The following RAD51C variants were observed in gnomAD, a reference collection of about 807,000 sequenced individuals.
RAD51C encodes the protein RAD51 paralog C.
Under a neutral mutation model 45.0 loss-of-function variants are expected in RAD51C, and 42 were observed. The ratio of observed to expected loss-of-function variants is 0.93; its 90% CI spans 0.73 to 1.21. RAD51C has a LOEUF of 1.21. Ranked by LOEUF, RAD51C falls within the 50% of genes most tolerant of loss-of-function variation. The pLI is 0.00. For missense variants in RAD51C, 474 were observed against 452.2 expected, an observed-to-expected ratio of 1.05 and a Z score of -0.44; for synonymous variants, 172 against 159.8, an observed-to-expected ratio of 1.08 and a Z score of -0.58.
chr17:58,720,663 G>C lies in RAD51C; in HGVS notation c.838-83G>C, dbSNP rs1452804063. ...AATTTTTGTATTTTTAGTAGAGATG[G>C]GGTTTCACAATCTTGGCCAGACTGG... is the stretch of plus-strand genomic sequence containing the variant. On this transcript the variant is annotated intron_variant, in intron 5 of 8. Coordinates refer to ENST00000337432, the MANE Select transcript of RAD51C (RefSeq NM_058216.3). 2.3e-5 allele frequency: 23 copies of C among 1,017,752 alleles called. No individual in the cohort carries two copies. In the South Asian group the frequency reaches 3.0e-4, roughly 13 times the overall value. The allele number at this position is 1,017,752 out of a possible 1,614,324, so 63.0% of individuals were successfully genotyped here.
At chr17:58,714,005 G>A (rs184940665) in intron 5 of RAD51C, among the ~76,000 whole-genome samples, 1 of 148,782 alleles carries the variant, frequency 6.7e-6, no homozygotes, top group African/African-American at 2.5e-5. Flanking sequence ...TTCTGTTTTA[G>A]ATAGAGTCTT....
chr17:58,732,475 T>C lies in RAD51C; in HGVS notation c.966-9T>C. The C allele has an allele frequency of 6.2e-7, 1 of 1,610,836 alleles. No individual in the cohort carries two copies. On this transcript the variant is annotated splice_polypyrimidine_tract_variant and intron_variant, in intron 7 of 8. Coordinates refer to ENST00000337432, the MANE Select transcript of RAD51C (RefSeq NM_058216.3). The stretch of plus-strand genomic sequence containing the variant: ...TGTTTGTATGTATTTATTCTTTTTC[T>C]TTAAGCAGGTTGGCAACATTGTACA...
At chr17:58,705,021 C>T (rs2048331354) in intron 4 of RAD51C, among the ~76,000 whole-genome samples, 1 of 151,650 alleles carries the variant, frequency 6.6e-6, no homozygotes, top group South Asian at 2.1e-4. Context: ...ATCCCAGCTA[C>T]TTGGGAGGCT....
intron 5 of RAD51C, among the ~76,000 whole-genome samples, chr17:58,711,923 G>T (rs2048569930): frequency 6.6e-6 from 1 of 151,920 alleles, no homozygotes; most frequent in African/African-American, 2.4e-5. Flanking sequence ...TTTAAGGCCA[G>T]ATGTGGTAAC....
At chr17:58,695,260 G>T in intron 2 of RAD51C, 71 bp downstream of exon 2, 1 of 1,522,744 alleles carries the variant, frequency 6.6e-7, no homozygotes. Flanking sequence ...TTGTACTATC[G>T]TCAGGAAACC....
At chr17:58,695,924 A>T (rs191582609) in intron 2 of RAD51C, among the ~76,000 whole-genome samples, 1 of 150,868 alleles carries the variant, frequency 6.6e-6, no homozygotes, top group Non-Finnish European at 1.5e-5. Flanking sequence ...AAAATTAGCC[A>T]GGCATGGTGG....
chr17:58,734,323 A>G lies in RAD51C; in HGVS notation c.*101A>G, dbSNP rs560599686. 4.3e-5 allele frequency: 66 copies of G among 1,538,366 alleles called. No individual in the cohort carries two copies. In the East Asian group the frequency reaches 7.1e-4, roughly 17 times the overall value. On this transcript the variant is annotated 3_prime_UTR_variant, in exon 9 of 9. Transcript: ENST00000337432. ...AAAGTATAAATAAACACACTATGGC[A>G]TGAATGAATCCAGATCATATGAAGT...
chr17:58,702,337 A>G (rs1312428655), intron 3 of RAD51C, among the ~76,000 whole-genome samples: 1 of 152,128 alleles, frequency 6.6e-6, no homozygotes, highest in Non-Finnish European at 1.5e-5. Flanking sequence ...CTAGTTGTAT[A>G]TGTTTATAAA....
chr17:58,731,564 G>A (rs1232900850), intron 7 of RAD51C, among the ~76,000 whole-genome samples: 2 of 152,102 alleles, frequency 1.3e-5, no homozygotes, highest in African/African-American at 4.8e-5. Context: ...CAGCCAAAAA[G>A]CAGTCTTAAA....
chr17:58,723,937 T>G, intron 6 of RAD51C, 103 bp from the exon 7 acceptor site: 1 of 1,068,322 alleles, frequency 9.4e-7, no homozygotes, highest in Non-Finnish European at 1.4e-6. Flanking sequence ...ACTTTCGTTA[T>G]GTTAAATTAA....
At chr17:58,719,179 G>A (rs1218292127) in intron 5 of RAD51C, among the ~76,000 whole-genome samples, 5 of 151,942 alleles carry the variant, frequency 3.3e-5, no homozygotes, top group South Asian at 2.1e-4. Flanking sequence ...AGCCGAGATC[G>A]CGCCATTGCA....
At position 58,692,905 on chromosome 17, in the gene RAD51C, T is replaced by C. The variant is rs45574736; in HGVS notation, c.145+117T>C. Reference sequence around the variant, plus strand: ...CCGTTAGATTCTGCTTCCTCCCACGTCCATGTTTACAGCGTGAAAGAGCTC... The same window carrying C: ...CCGTTAGATTCTGCTTCCTCCCACGCCCATGTTTACAGCGTGAAAGAGCTC... On this transcript the variant is annotated intron_variant, in intron 1 of 8. Coordinates refer to ENST00000337432, the MANE Select transcript of RAD51C (RefSeq NM_058216.3). 13,020 of 1,479,146 alleles carry C rather than the reference T, an allele frequency of 8.8e-3. 83 individuals are homozygous for C. Among genetic ancestry groups the C allele is most frequent in the Middle Eastern group, 0.015 (88 of 5,804 alleles). 91.6% of individuals were successfully genotyped at this position (1,479,146 alleles called of 1,614,324 possible).
At chr17:58,714,239 C>A (rs1304282657) in intron 5 of RAD51C, among the ~76,000 whole-genome samples, 1 of 152,110 alleles carries the variant, frequency 6.6e-6, no homozygotes, top group Non-Finnish European at 1.5e-5. Context: ...CCCTCCTCGG[C>A]CTCCCAAAGT....
rs1555593575 is a variant in RAD51C at position 58,695,022 on chromosome 17, T to C, written c.237T>C (p.Ser79=). 4 of 1,614,068 alleles carry C rather than the reference T, an allele frequency of 2.5e-6. No individual in the cohort carries two copies. Among genetic ancestry groups the C allele is most frequent in the Non-Finnish European group, 3.4e-6 (4 of 1,179,974 alleles). ...LTNKPRYAGT[S]ESHKKCTALE... is the part of the protein sequence containing the mutation. ...ATAAACCAAGATATGCTGGTACATC[T>C]GAGTCACACAAGAAGTGTACAGCAC... The change falls in exon 2 of 9, where the codon TCT becomes TCC. Residue 79 remains serine (S), a synonymous_variant. Transcript: ENST00000337432.
At chr17:58,710,977 T>C (rs1239591636) in intron 5 of RAD51C, among the ~76,000 whole-genome samples, 1 of 152,214 alleles carries the variant, frequency 6.6e-6, no homozygotes, top group Non-Finnish European at 1.5e-5. Flanking sequence ...ATACCTGTAA[T>C]ACATCATAAG....
intron 7 of RAD51C, among the ~76,000 whole-genome samples, chr17:58,729,228 T>G (rs1406031130): frequency 6.6e-6 from 1 of 152,218 alleles, no homozygotes; most frequent in Non-Finnish European, 1.5e-5. Context: ...TGTTTGGTTT[T>G]GTTTTTGAGA....
At chr17:58,724,515 G>A (rs568254948) in intron 7 of RAD51C, among the ~76,000 whole-genome samples, 2 of 151,158 alleles carry the variant, frequency 1.3e-5, no homozygotes, top group Non-Finnish European at 2.9e-5. Context: ...TGGAACATAC[G>A]ATGGTTTCTC....
chr17:58,724,479 G>A (rs535729169), intron 7 of RAD51C, among the ~76,000 whole-genome samples: 1 of 151,134 alleles, frequency 6.6e-6, no homozygotes, highest in Non-Finnish European at 1.5e-5. Flanking sequence ...GAAAATTGTT[G>A]AGGTTACCTT....
chr17:58,701,043 G>A (rs1043545329), intron 3 of RAD51C, among the ~76,000 whole-genome samples: 5 of 152,114 alleles, frequency 3.3e-5, no homozygotes, highest in Non-Finnish European at 7.3e-5. Flanking sequence ...GGCTACAGGT[G>A]GGCACTACCA....
Sources: gnomAD v4.1 joint callset for allele counts (sites outside exome capture counted in the v4.1 genomes callset) on GRCh38, gnomAD v4.1.1 for gene constraint, MANE v1.5 for transcripts, NCBI Gene and HGNC (gene_info 2026-07-23, HGNC 2026-07-21) for gene names.